Variants in XG observed in about 807,000 individuals in gnomAD.
XG encodes the protein Xg glycoprotein (Xg blood group), also known as glycoprotein Xg.
A neutral mutation model predicts 25.7 loss-of-function variants in XG; 24 were observed. The ratio of observed to expected loss-of-function variants is 0.93; its 90% CI spans 0.68 to 1.31. The LOEUF (loss-of-function observed/expected upper bound fraction) is 1.31, where lower values mean the gene tolerates loss of function less well. Ranked by LOEUF, XG falls within the 40% of genes most tolerant of loss-of-function variation. The pLI, the probability that XG is intolerant of heterozygous loss-of-function variation, is 0.00. For synonymous variants in XG, 77 were observed against 69.2 expected, an observed-to-expected ratio of 1.11 and a Z score of -0.56; for missense variants, 181 against 187.6, an observed-to-expected ratio of 0.96 and a Z score of 0.21.
intron 7 of XG, among the ~76,000 whole-genome samples, chrX:2,798,369 CTTTTTTTTTT>C (rs748928232): frequency 1.2e-5 from 1 of 83,866 alleles, no homozygotes; most frequent in Admixed American, 1.3e-4. Context: ...ACCATCTTTT[CTTTTTTTTTT>C]TTTTTTTTTT....
At chrX:2,755,466 C>T (rs1254368641) in intron 1 of XG, among the ~76,000 whole-genome samples, 1 of 152,176 alleles carries the variant, frequency 6.6e-6, no homozygotes. Flanking sequence ...TTCTGGCCGG[C>T]TTCTTTACTA....
intron 2 of XG, among the ~76,000 whole-genome samples, chrX:2,773,560 AAG>A: frequency 9.3e-6 from 1 of 107,512 alleles, no homozygotes; most frequent in Admixed American, 9.2e-5. Context: ...AGAAGGAAGG[AAG>A]GAGAGAAGGA....
chrX:2,766,244 A>G (rs1437693935), intron 1 of XG, among the ~76,000 whole-genome samples: 1 of 151,848 alleles, frequency 6.6e-6, no homozygotes, highest in African/African-American at 2.4e-5. Flanking sequence ...AGGTTCAAGC[A>G]ATTCTCCTGC....
chrX:2,752,941 G>A (rs944213878), intron 1 of XG: 10 of 985,354 alleles, frequency 1.0e-5, no homozygotes, highest in Non-Finnish European at 9.6e-6. Context: ...AGTTCCGTAC[G>A]AGGACCTCTT....
At chrX:2,773,269 A>C (rs899417278) in intron 2 of XG, among the ~76,000 whole-genome samples, 14 of 148,498 alleles carry the variant, frequency 9.4e-5, no homozygotes, top group African/African-American at 3.2e-4. Flanking sequence ...GAAAAGACTG[A>C]GGGGAGGAAG....
intron 7 of XG, among the ~76,000 whole-genome samples, chrX:2,797,759 C>T (rs781496106): frequency 8.1e-5 from 9 of 111,364 alleles, no homozygotes; most frequent in African/African-American, 1.3e-4. Flanking sequence ...TGGCTGGGCG[C>T]GGTGGCTCAT....
At chrX:2,753,199 C>T (rs1399560900) in intron 1 of XG, among the ~76,000 whole-genome samples, 1 of 152,034 alleles carries the variant, frequency 6.6e-6, no homozygotes, top group Admixed American at 6.5e-5. Context: ...GAGGCGGTGT[C>T]GGGATGGATA....
At chrX:2,773,806 A>C (rs866365431) in intron 2 of XG, among the ~76,000 whole-genome samples, 54 of 112,672 alleles carry the variant, frequency 4.8e-4, no homozygotes, top group South Asian at 7.4e-4. Flanking sequence ...AAGGAAGGAG[A>C]GAAGGAAGGA....
chrX:2,794,630 A>G (rs2086867484), intron 6 of XG, 27 bp downstream of exon 6: 1 of 1,203,478 alleles, frequency 8.3e-7, no homozygotes, highest in African/African-American at 1.7e-5. Flanking sequence ...CCCAGATGCG[A>G]CACATTGAAT....
At position 2,789,712 on chromosome X, in the gene XG, G is replaced by A. The variant is rs759484469; in HGVS notation, c.253+6G>A. ...CAATTCCGGCAACAGTGGAGGTAAT[G>A]AGTATTTATTTATTTATTTTTATTT... On this transcript the variant is annotated splice_donor_region_variant and intron_variant, in intron 5 of 10. Transcript: ENST00000644266. The A allele has an allele frequency of 3.0e-6, 3 of 1,011,371 alleles. No homozygotes were observed. Among genetic ancestry groups the A allele is most frequent in the African/African-American group, 2.0e-5 (1 of 49,508 alleles). The allele number at this position is 1,011,371 out of a possible 1,213,427, so 83.3% of individuals were successfully genotyped here. A position where few individuals can be genotyped will look rare whatever the true frequency, so the allele number is the denominator to read the frequency against.
intron 4 of XG, among the ~76,000 whole-genome samples, chrX:2,787,568 C>A (rs934833931): frequency 3.8e-4 from 42 of 111,335 alleles, no homozygotes; most frequent in African/African-American, 1.2e-3. Context: ...GTTTGGCCCC[C>A]AAGTTTCCAT....
intron 4 of XG, among the ~76,000 whole-genome samples, chrX:2,787,850 G>A (rs1257070874): frequency 9.4e-6 from 1 of 106,812 alleles, no homozygotes; most frequent in African/African-American, 3.4e-5. Flanking sequence ...GAGGTTGCAG[G>A]GAGCCGAGAT....
intron 6 of XG, 148 bp downstream of exon 6, chrX:2,794,751 G>A: frequency 1.5e-6 from 1 of 646,563 alleles, no homozygotes; most frequent in East Asian, 3.8e-5. Context: ...TGACAGAGAA[G>A]GCCCCATGGC....
At chrX:2,769,764 T>G (rs2050773095) in intron 1 of XG, among the ~76,000 whole-genome samples, 1 of 152,212 alleles carries the variant, frequency 6.6e-6, no homozygotes, top group African/African-American at 2.4e-5. Context: ...ATTAACTGCT[T>G]TTGGATCAGG....
chrX:2,798,075 A>G (rs2086901950), intron 7 of XG, among the ~76,000 whole-genome samples: 1 of 111,269 alleles, frequency 9.0e-6, no homozygotes, highest in Admixed American at 9.7e-5. Context: ...AAAGAAAAGA[A>G]AAAAAGCAAG....
chrX:2,776,209 C>T (rs757799011), intron 3 of XG, among the ~76,000 whole-genome samples: 1 of 152,026 alleles, frequency 6.6e-6, no homozygotes, highest in East Asian at 1.9e-4. Context: ...GTCTCTCGGT[C>T]CTGAGGAAGG....
Position 2,794,595 on chromosome X carries a change from C to T in XG, c.314C>T (p.Pro105Leu), listed in dbSNP as rs761837251. 1.1e-4 allele frequency: 130 copies of T among 1,209,718 alleles called. No homozygotes were observed. In the South Asian group the frequency reaches 1.3e-3, roughly 12 times the overall value. ...TACCCGCCCAGGCCCAGGCCACGGC[C>T]GCCTGCAGGTAGGTGCCGAGCCTCC... is the stretch of plus-strand genomic sequence containing the variant. ...GRYPPRPRPR[P>L]PAGGGGGGYS... The change falls in exon 6 of 11, where the codon CCG (proline) becomes CTG (leucine). Residue 105 changes from proline (P) to leucine (L), a missense_variant. By Grantham distance (98) the Pro-to-Leu change is moderately conservative. Coordinates refer to ENST00000644266, the MANE Select transcript of XG (RefSeq NM_001141919.2).
chrX:2,759,010 A>G (rs1221014515), intron 1 of XG, among the ~76,000 whole-genome samples: 1 of 118,984 alleles, frequency 8.4e-6, no homozygotes, highest in Non-Finnish European at 1.8e-5. Flanking sequence ...TTACCTATCT[A>G]TGTATCTATG....
intron 4 of XG, among the ~76,000 whole-genome samples, chrX:2,783,560 G>T (rs1214325889): frequency 4.4e-5 from 5 of 112,559 alleles, no homozygotes; most frequent in African/African-American, 1.6e-4. Flanking sequence ...AACTTTCACA[G>T]CTTAACAGCG....
Sources: gnomAD v4.1 joint callset for allele counts (sites outside exome capture counted in the v4.1 genomes callset) on GRCh38, gnomAD v4.1.1 for gene constraint, MANE v1.5 for transcripts, NCBI Gene and HGNC (gene_info 2026-07-23, HGNC 2026-07-21) for gene names.